The following HLCS variants were observed in gnomAD, a reference collection of about 807,000 sequenced individuals.
The protein encoded by HLCS is holocarboxylase synthetase, also known as biotin--protein ligase.
A neutral mutation model predicts 75.0 loss-of-function variants in HLCS; 53 were observed. The observed-to-expected ratio is 0.71, with a 90% CI of 0.57 to 0.89. The LOEUF (loss-of-function observed/expected upper bound fraction) is 0.89. Ranked by LOEUF, HLCS falls within the 40% of genes least tolerant of loss-of-function variation. HLCS has a pLI of 0.00. For missense variants in HLCS, 966 were observed against 1,074.0 expected, an observed-to-expected ratio of 0.90 and a Z score of 1.41; for synonymous variants, 431 against 428.6, an observed-to-expected ratio of 1.01 and a Z score of -0.07.
chr21:36,890,859 G>A (rs1303020198), intron 6 of HLCS, among the ~76,000 whole-genome samples: 1 of 152,154 alleles, frequency 6.6e-6, no homozygotes, highest in African/African-American at 2.4e-5. Flanking sequence ...TCCTAAATCT[G>A]GTAGACCCTG....
chr21:36,849,969 T>G (rs1197961397), intron 6 of HLCS, among the ~76,000 whole-genome samples: 6 of 152,218 alleles, frequency 3.9e-5, no homozygotes, highest in Admixed American at 3.9e-4. Context: ...CTCCTTGTAC[T>G]TATCTCATGG....
At chr21:36,920,084 G>A (rs2066097762) in intron 5 of HLCS, among the ~76,000 whole-genome samples, 1 of 152,204 alleles carries the variant, frequency 6.6e-6, no homozygotes, top group Non-Finnish European at 1.5e-5. Flanking sequence ...GTGAGGCCAA[G>A]TACTTTGGGA....
At chr21:36,833,177 T>C (rs973699114) in intron 6 of HLCS, among the ~76,000 whole-genome samples, 9 of 151,508 alleles carry the variant, frequency 5.9e-5, no homozygotes, top group African/African-American at 2.2e-4. Flanking sequence ...CATGCCACCA[T>C]GCCTAGCTAA....
chr21:36,894,489 C>G (rs999658655), intron 6 of HLCS, among the ~76,000 whole-genome samples: 1 of 152,162 alleles, frequency 6.6e-6, no homozygotes, highest in African/African-American at 2.4e-5. Context: ...TGCCTCCCCG[C>G]GCCAGGAATT....
At chr21:36,960,487 G>A (rs1382249139) in intron 2 of HLCS, among the ~76,000 whole-genome samples, 1 of 152,146 alleles carries the variant, frequency 6.6e-6, no homozygotes, top group African/African-American at 2.4e-5. Context: ...TTAACACACT[G>A]CACTGCTCCA....
chr21:36,780,858 C>T (rs1164909793), intron 6 of HLCS, among the ~76,000 whole-genome samples: 2 of 151,980 alleles, frequency 1.3e-5, no homozygotes, highest in East Asian at 1.9e-4. Flanking sequence ...AGTCAATGAC[C>T]AGTTAATGTC....
At chr21:36,933,249 G>T (rs2066726830) in intron 4 of HLCS, among the ~76,000 whole-genome samples, 1 of 152,120 alleles carries the variant, frequency 6.6e-6, no homozygotes, top group Non-Finnish European at 1.5e-5. Context: ...TGGGACAACA[G>T]GTCAGGTGGG....
At chr21:36,853,246 G>A (rs901882576) in intron 6 of HLCS, among the ~76,000 whole-genome samples, 6 of 152,154 alleles carry the variant, frequency 3.9e-5, no homozygotes, top group African/African-American at 9.7e-5. Context: ...ATTTCGGAGC[G>A]AGCTTGGAGT....
chr21:36,959,054 GGCAGGAGCCCAGTGCTCCCAGGCATAACT>G (rs2068130977), intron 2 of HLCS, among the ~76,000 whole-genome samples: 1 of 152,274 alleles, frequency 6.6e-6, no homozygotes, highest in South Asian at 2.1e-4. Context: ...GAGTTGGCAG[GGCAGGAGCCCAGTGCTCCCAGGCATAACT>G]GCAGCCTCCC....
intron 6 of HLCS, among the ~76,000 whole-genome samples, chr21:36,808,326 A>C (rs1164211972): frequency 6.6e-6 from 1 of 152,234 alleles, no homozygotes; most frequent in Non-Finnish European, 1.5e-5. Flanking sequence ...ATTTTAAAAA[A>C]CTATTTCCTT....
chr21:36,785,451 G>A (rs1042307983), intron 6 of HLCS, among the ~76,000 whole-genome samples: 5 of 151,948 alleles, frequency 3.3e-5, no homozygotes, highest in South Asian at 2.1e-4. Context: ...CATCTCTCCC[G>A]GCTCTCTGCC....
intron 6 of HLCS, among the ~76,000 whole-genome samples, chr21:36,864,415 T>A (rs1161076345): frequency 6.6e-6 from 1 of 151,512 alleles, no homozygotes; most frequent in African/African-American, 2.4e-5. Context: ...AAAAAGTACA[T>A]GAACAAACAT....
At chr21:36,757,310 G>A (rs914668336) in intron 9 of HLCS, among the ~76,000 whole-genome samples, 4 of 152,132 alleles carry the variant, frequency 2.6e-5, no homozygotes, top group East Asian at 3.8e-4. Context: ...CTAAGGTTAC[G>A]CTGTTGGCAA....
intron 6 of HLCS, among the ~76,000 whole-genome samples, chr21:36,812,448 G>A (rs1255296363): frequency 1.3e-5 from 2 of 152,128 alleles, no homozygotes; most frequent in Non-Finnish European, 2.9e-5. Context: ...GAATGAATAT[G>A]CCTAAATTAT....
intron 6 of HLCS, among the ~76,000 whole-genome samples, chr21:36,778,519 T>G (rs2145826264): frequency 6.6e-6 from 1 of 152,018 alleles, no homozygotes; most frequent in Non-Finnish European, 1.5e-5. Context: ...CCTCAGGCGA[T>G]TCACCCGCCT....
chr21:36,830,191 C>T (rs1284249624), intron 6 of HLCS, among the ~76,000 whole-genome samples: 2 of 152,142 alleles, frequency 1.3e-5, no homozygotes, highest in Non-Finnish European at 2.9e-5. Flanking sequence ...GAGCCTCTCT[C>T]ACGGCCTCAG....
At chr21:36,975,851 T>C (rs779766310) in intron 1 of HLCS, among the ~76,000 whole-genome samples, 14 of 152,192 alleles carry the variant, frequency 9.2e-5, no homozygotes, top group Middle Eastern at 6.3e-3. Flanking sequence ...TTATTCCACG[T>C]TCATTCTGCA....
intron 1 of HLCS, among the ~76,000 whole-genome samples, chr21:36,985,888 T>C (rs992602162): frequency 6.6e-6 from 1 of 152,186 alleles, no homozygotes; most frequent in Admixed American, 6.5e-5. Context: ...TCAGTTCAAA[T>C]TGATGACGCT....
At chr21:36,921,166 G>A (rs992574024) in intron 5 of HLCS, among the ~76,000 whole-genome samples, 11 of 152,316 alleles carry the variant, frequency 7.2e-5, no homozygotes, top group Middle Eastern at 3.4e-3. Context: ...TTCACTTTCA[G>A]CCGGGCACAG....
Sources: allele counts gnomAD v4.1 joint callset (sites outside exome capture counted in the v4.1 genomes callset), GRCh38; gene constraint gnomAD v4.1.1; transcripts MANE v1.5; gene names NCBI Gene and HGNC (gene_info 2026-07-23, HGNC 2026-07-21).